The following GRPEL1 variants were observed in gnomAD, a reference collection of about 807,000 sequenced individuals.
The protein encoded by GRPEL1 is GrpE like 1, mitochondrial, also known as grpE protein homolog 1, mitochondrial.
Under a neutral mutation model 22.1 loss-of-function variants are expected in GRPEL1, and 13 were observed. The observed-to-expected ratio is 0.59, with a 90% CI of 0.38 to 0.94. GRPEL1 has a LOEUF of 0.94. Among genes scored for constraint, GRPEL1 ranks in the 40% least tolerant of loss-of-function variants. GRPEL1 has a pLI of 0.00. For missense variants in GRPEL1, 289 were observed against 264.6 expected, an observed-to-expected ratio of 1.09 and a Z score of -0.64; for synonymous variants, 109 against 105.3, an observed-to-expected ratio of 1.03 and a Z score of -0.21.
chr4:7,059,037 T>G lies in GRPEL1; in HGVS notation c.*1825A>C, dbSNP rs1380940935. The G allele has an allele frequency of 2.0e-5, 3 of 152,326 alleles. No homozygotes were observed. The East Asian group carries it at 5.8e-4, about 29-fold the overall frequency. The allele number at this position is 152,326 out of a possible 1,614,324, so 9.4% of individuals were successfully genotyped here. ...GGCTACATACACCATATAGCCTAGG[T>G]GTGGAGGAGGCTCCACCACCTGTTT... On this transcript the variant is annotated 3_prime_UTR_variant, in exon 4 of 4. Coordinates refer to ENST00000264954, the MANE Select transcript of GRPEL1 (RefSeq NM_025196.4).
intron 1 of GRPEL1, among the ~76,000 whole-genome samples, chr4:7,064,868 C>T (rs1027586543): frequency 3.3e-5 from 5 of 152,184 alleles, no homozygotes; most frequent in African/African-American, 9.7e-5. Flanking sequence ...AATCATAACT[C>T]ACTGTAACCC....
intron 3 of GRPEL1, 160 bp from the exon 4 acceptor site, chr4:7,061,368 C>T: frequency 1.7e-6 from 1 of 600,642 alleles, no homozygotes; most frequent in Non-Finnish European, 2.9e-6. Flanking sequence ...CAACACAAAA[C>T]TCTCAAAAGC....
chr4:7,063,759 C>T (rs1290025902), intron 2 of GRPEL1, among the ~76,000 whole-genome samples: 1 of 152,220 alleles, frequency 6.6e-6, no homozygotes, highest in Non-Finnish European at 1.5e-5. Flanking sequence ...TGCTTCCTCT[C>T]CTAAGTCCCA....
rs575378932 is a variant in GRPEL1 at position 7,067,256 on chromosome 4, A to AG, written c.62+714dup. On this transcript the variant is annotated intron_variant, in intron 1 of 3. Transcript: ENST00000264954. ...TCAAAAAGCAGAAGGGGCAGATTTG[A>AG]GGGGAAAAAAAAAAAGGGGCACTGT... 7.0e-3 allele frequency among the ~76,000 whole-genome samples: 576 copies of AG among 82,670 alleles called. 4 individuals are homozygous for AG. Among genetic ancestry groups the AG allele is most frequent in the South Asian group, 0.017 (30 of 1,804 alleles). 54.2% of individuals were successfully genotyped at this position (82,670 alleles called of 152,430 possible).
rs56089743 is a variant in GRPEL1 at position 7,062,530 on chromosome 4, C to T, written c.226-64G>A. The stretch of plus-strand genomic sequence containing the variant: ...TATATATATATCTTTTTTTTTGAGA[C>T]GGAATCTTGCTCTGTATGTCGCTCA... On this transcript the variant is annotated intron_variant, in intron 2 of 3. Transcript: ENST00000264954. The T allele has an allele frequency of 1.9e-3, 792 of 420,174 alleles. 1 individual carries two copies. Among genetic ancestry groups the T allele is most frequent in the South Asian group, 4.4e-3 (74 of 16,682 alleles). The allele number at this position is 420,174 out of a possible 1,614,324, so 26.0% of individuals were successfully genotyped here.
rs778210634 is a variant in GRPEL1 at position 7,068,001 on chromosome 4, C to A, written c.32G>T (p.Arg11Leu). The A allele has an allele frequency of 1.2e-6, 2 of 1,613,288 alleles. No individual in the cohort carries two copies. The highest frequency in any genetic ancestry group is 2.2e-5 in the South Asian group (2 of 91,072). Residue 11 changes from arginine (R) to leucine (L), a missense_variant, in exon 1 of 4, where the codon CGC becomes CTC. Physicochemically the swap from Arg to Leu is moderately radical, Grantham distance 102. Transcript: ENST00000264954. Reference sequence around the variant, plus strand: ...AGACAACGCCAAAGCAGGAAGACTGCGCCGCGCCAACCTCACGCACTGAGC... The same window carrying A: ...AGACAACGCCAAAGCAGGAAGACTGAGCCGCGCCAACCTCACGCACTGAGC... MAAQCVRLARRSLPALALSLR... is the reference protein window; with the variant it reads MAAQCVRLARLSLPALALSLR...
At chr4:7,061,289 G>C in intron 3 of GRPEL1, 81 bp from the exon 4 acceptor site, 2 of 1,075,986 alleles carry the variant, frequency 1.9e-6, no homozygotes, top group African/African-American at 1.6e-5. Flanking sequence ...CTGACCTGAT[G>C]TGGAGGCTAT....
At chr4:7,067,887 G>T in intron 1 of GRPEL1, 84 bp downstream of exon 1, 1 of 1,411,944 alleles carries the variant, frequency 7.1e-7, no homozygotes. Flanking sequence ...AGGCCGGGAA[G>T]GAGGCCCCGG....
chr4:7,060,691 T>C lies in GRPEL1; in HGVS notation c.*171A>G. On this transcript the variant is annotated 3_prime_UTR_variant, in exon 4 of 4. Transcript: ENST00000264954. ...ACTAAAAGGGAACAGACTCCCGAAT[T>C]AGAGTTCATTAATGCAGTTGGGCAA... 1 of 654,902 alleles carries C rather than the reference T, an allele frequency of 1.5e-6. No homozygotes were observed. The highest frequency in any genetic ancestry group is 2.7e-6 in the Non-Finnish European group (1 of 372,138). 40.6% of individuals were successfully genotyped at this position (654,902 alleles called of 1,614,324 possible). A position where few individuals can be genotyped will look rare whatever the true frequency, so the allele number is the denominator to read the frequency against.
In GRPEL1 at chr4:7,059,124, A is replaced by T. The variant is rs1451800831; in HGVS notation, c.*1738T>A. The T allele has an allele frequency of 6.6e-6, 1 of 152,242 alleles. No homozygotes were observed. The highest frequency in any genetic ancestry group is 1.5e-5 in the Non-Finnish European group (1 of 68,042). The allele number at this position is 152,242 out of a possible 1,614,324, so 9.4% of individuals were successfully genotyped here. A position where few individuals can be genotyped will look rare whatever the true frequency, so the allele number is the denominator to read the frequency against. On this transcript the variant is annotated 3_prime_UTR_variant, in exon 4 of 4. Coordinates refer to ENST00000264954, the MANE Select transcript of GRPEL1 (RefSeq NM_025196.4). ...AAAACTGCCTGACAGCGCATTTCTC[A>T]GAACACATCCCTGTGGTTAAGCCAT... is the stretch of plus-strand genomic sequence containing the variant.
intron 3 of GRPEL1, 158 bp from the exon 4 acceptor site, chr4:7,061,366 A>C: frequency 1.7e-6 from 1 of 605,178 alleles, no homozygotes. Context: ...AACAACACAA[A>C]ACTCTCAAAA....
rs1016496341 is a variant in GRPEL1 at position 7,060,882 on chromosome 4, C to T, written c.634G>A (p.Gly212Arg). The change falls in exon 4 of 4, where the codon GGG becomes AGG. Residue 212 changes from glycine to arginine, a missense_variant. Gly to Arg is a moderately radical substitution (Grantham distance 125, BLOSUM62 -2). Coordinates refer to ENST00000264954, the MANE Select transcript of GRPEL1 (RefSeq NM_025196.4). ...HGRTLRPALVGVVKEA is the reference protein window; with the variant it reads ...HGRTLRPALVRVVKEA The stretch of plus-strand genomic sequence containing the variant: ...AGCAGCTAAGCTTCCTTCACCACCC[C>T]CACCAGGGCGGGTCTCAGAGTGCGC... 1.2e-6 allele frequency: 2 copies of T among 1,612,370 alleles called. No individual in the cohort carries two copies. The highest frequency in any genetic ancestry group is 2.7e-5 in the African/African-American group (2 of 74,892).
In GRPEL1 at chr4:7,068,012, C is replaced by A; in HGVS notation, c.21G>T (p.Arg7Ser). ...AAGCAGGAAGACTGCGCCGCGCCAACCTCACGCACTGAGCCGCCATGACTG... is the reference window on the plus strand; with the variant it reads ...AAGCAGGAAGACTGCGCCGCGCCAAACTCACGCACTGAGCCGCCATGACTG... MAAQCVRLARRSLPALA... is the reference protein window; with the variant it reads MAAQCVSLARRSLPALA... Residue 7 changes from arginine to serine, a missense_variant, in exon 1 of 4, where the codon AGG becomes AGT. Coordinates refer to ENST00000264954, the MANE Select transcript of GRPEL1 (RefSeq NM_025196.4). 1 of 1,613,040 alleles carries A rather than the reference C, an allele frequency of 6.2e-7. No homozygotes were observed.
Position 7,068,059 on chromosome 4 carries a change from G to C in GRPEL1, c.-27C>G. 1 of 1,610,742 alleles carries C rather than the reference G, an allele frequency of 6.2e-7. No homozygotes were observed. The highest frequency in any genetic ancestry group is 1.7e-5 in the Admixed American group (1 of 59,686). The stretch of plus-strand genomic sequence containing the variant: ...ACTGCCACTGCCCGTCGCAGTCGCC[G>C]CGCACGCACCAAGCGTGCGTGCAGG... On this transcript the variant is annotated 5_prime_UTR_variant, in exon 1 of 4. Coordinates refer to ENST00000264954, the MANE Select transcript of GRPEL1 (RefSeq NM_025196.4).
rs1724001959 is a variant in GRPEL1 at position 7,060,089 on chromosome 4, A to G, written c.*773T>C. ...AACATTAGGGCTTTAATCCTCTTAA[A>G]TAAAAATTTTAAATTAAACATTAAC... is the stretch of plus-strand genomic sequence containing the variant. On this transcript the variant is annotated 3_prime_UTR_variant, in exon 4 of 4. Coordinates refer to ENST00000264954, the MANE Select transcript of GRPEL1 (RefSeq NM_025196.4). 1 of 152,254 alleles carries G rather than the reference A, an allele frequency of 6.6e-6. No homozygotes were observed. The highest frequency in any genetic ancestry group is 2.4e-5 in the African/African-American group (1 of 41,474). The allele number at this position is 152,254 out of a possible 1,614,324, so 9.4% of individuals were successfully genotyped here. A position where few individuals can be genotyped will look rare whatever the true frequency, so the allele number is the denominator to read the frequency against.
rs1395758574 is a variant in GRPEL1, at chr4:7,058,929, T to A, written c.*1933A>T. On this transcript the variant is annotated 3_prime_UTR_variant, in exon 4 of 4. Coordinates refer to ENST00000264954, the MANE Select transcript of GRPEL1 (RefSeq NM_025196.4). ...AGTTTGCACTGTACCTTTACTATGT[T>A]ATGTTCAGATACACAGATACCATTG... 2.0e-5 allele frequency: 3 copies of A among 152,236 alleles called. No homozygotes were observed. The highest frequency in any genetic ancestry group is 7.2e-5 in the African/African-American group (3 of 41,462). The allele number at this position is 152,236 out of a possible 1,614,324, so 9.4% of individuals were successfully genotyped here.
intron 3 of GRPEL1, chr4:7,061,497 G>GT (rs768191483): frequency 1.1e-4 from 37 of 344,994 alleles, no homozygotes; most frequent in Admixed American, 1.9e-4. Context: ...CAAGCAAGCA[G>GT]TAAGATTTAG....
At chr4:7,065,638 G>A (rs796453137) in intron 1 of GRPEL1, among the ~76,000 whole-genome samples, 18 of 152,238 alleles carry the variant, frequency 1.2e-4, no homozygotes, top group African/African-American at 4.1e-4. Context: ...TGTAGGATAG[G>A]TAAGAGTTAC....
At chr4:7,061,387 G>A in intron 3 of GRPEL1, 179 bp from the exon 4 acceptor site, 1 of 575,038 alleles carries the variant, frequency 1.7e-6, no homozygotes, top group South Asian at 2.3e-5. Context: ...GCTACTTGTG[G>A]GATGAGACCC....
Sources: allele counts gnomAD v4.1 joint callset (sites outside exome capture counted in the v4.1 genomes callset), GRCh38; gene constraint gnomAD v4.1.1; transcripts MANE v1.5; gene names NCBI Gene and HGNC (gene_info 2026-07-23, HGNC 2026-07-21).